Variants in NICOL1 observed in about 807,000 individuals in gnomAD.
NICOL1 encodes NELL2-interacting cell ontogeny regulator 1.
the NICOL1 span, among the ~76,000 whole-genome samples, chr4:2,043,394 A>C: frequency 6.6e-6 from 1 of 152,104 alleles, no homozygotes; most frequent in African/African-American, 2.4e-5. Flanking sequence ...GGAGAATTCT[A>C]GGAAGGAGAA....
At chr4:2,040,244 T>C in the NICOL1 span, among the ~76,000 whole-genome samples, 24 of 152,274 alleles carry the variant, frequency 1.6e-4, no homozygotes, top group African/African-American at 4.6e-4. Flanking sequence ...GTAGCTGGGA[T>C]TACAGGCGCG....
At chr4:2,038,281 A>ATG in the NICOL1 span, among the ~76,000 whole-genome samples, 3 of 135,170 alleles carry the variant, frequency 2.2e-5, no homozygotes, top group Non-Finnish European at 3.2e-5. Flanking sequence ...ATATATATAT[A>ATG]TATAAAATTA....
At chr4:2,043,857 G>A in the NICOL1 span, 4 of 1,549,226 alleles carry the variant, frequency 2.6e-6, no homozygotes, top group Non-Finnish European at 3.5e-6. Context: ...TTGTTGCTTT[G>A]CAGACGGAGA....
chr4:2,036,577 T>A, the NICOL1 span, among the ~76,000 whole-genome samples: 1 of 152,176 alleles, frequency 6.6e-6, no homozygotes, highest in African/African-American at 2.4e-5. Flanking sequence ...GGTTCAGTGT[T>A]GACGGAAGCT....
the NICOL1 span, among the ~76,000 whole-genome samples, chr4:2,037,438 A>C: frequency 1.3e-5 from 2 of 152,230 alleles, no homozygotes; most frequent in African/African-American, 2.4e-5. Flanking sequence ...AATCACAGTA[A>C]AATTAGAAAG....
chr4:2,039,661 C>T, the NICOL1 span, among the ~76,000 whole-genome samples: 1 of 151,818 alleles, frequency 6.6e-6, no homozygotes, highest in African/African-American at 2.4e-5. Flanking sequence ...ATGGCAAACC[C>T]TGTCTCTACC....
chr4:2,043,634 C>T, the NICOL1 span, among the ~76,000 whole-genome samples: 144 of 152,256 alleles, frequency 9.5e-4, no homozygotes, highest in African/African-American at 3.3e-3. Context: ...CAGGTGGGCA[C>T]GCTGGCATGG....
At chr4:2,036,904 C>T in the NICOL1 span, among the ~76,000 whole-genome samples, 1 of 151,988 alleles carries the variant, frequency 6.6e-6, no homozygotes, top group Non-Finnish European at 1.5e-5. Flanking sequence ...GTGTCCTCCA[C>T]AGGGGAGGCA....
chr4:2,042,547 C>T, the NICOL1 span: 1 of 455,962 alleles, frequency 2.2e-6, no homozygotes, highest in Admixed American at 4.4e-5. Context: ...CGTGCGGGGC[C>T]GGGGCTCTGC....
the NICOL1 span, among the ~76,000 whole-genome samples, chr4:2,040,319 C>T: frequency 6.6e-6 from 1 of 152,360 alleles, no homozygotes; most frequent in African/African-American, 2.4e-5. Context: ...GTTGGCCAGG[C>T]TGGTCTTGAA....
chr4:2,042,164 G>A, the NICOL1 span: 1 of 1,454,742 alleles, frequency 6.9e-7, no homozygotes, highest in South Asian at 1.4e-5. Flanking sequence ...GACTGGAGTC[G>A]GGGAACCGGA....
chr4:2,039,617 T>C, the NICOL1 span, among the ~76,000 whole-genome samples: 73 of 152,150 alleles, frequency 4.8e-4, no homozygotes, highest in African/African-American at 1.7e-3. Flanking sequence ...GGTGGATCAC[T>C]TGGGGTCAGG....
At chr4:2,042,619 G>C in the NICOL1 span, 2 of 563,320 alleles carry the variant, frequency 3.6e-6, no homozygotes, top group Non-Finnish European at 5.9e-6. Context: ...GGGAGATGGT[G>C]GCTTGGGGAG....
At chr4:2,037,410 A>T in the NICOL1 span, among the ~76,000 whole-genome samples, 2 of 152,186 alleles carry the variant, frequency 1.3e-5, no homozygotes, top group Admixed American at 1.3e-4. Flanking sequence ...CTTCTAAATA[A>T]CTTCTTAATC....
the NICOL1 span, chr4:2,042,816 G>A: frequency 2.0e-6 from 3 of 1,494,256 alleles, no homozygotes; most frequent in East Asian, 2.7e-5. Flanking sequence ...CTGCAGCCTG[G>A]ACGCGCGGGT....
the NICOL1 span, chr4:2,041,859 G>A: frequency 3.2e-6 from 3 of 934,486 alleles, no homozygotes; most frequent in Non-Finnish European, 4.4e-6. Context: ...GCTCCCGGGG[G>A]CAGCCCCCGG....
the NICOL1 span, chr4:2,043,856 T>C: frequency 1.3e-6 from 2 of 1,549,070 alleles, no homozygotes; most frequent in African/African-American, 2.7e-5. Flanking sequence ...CTTGTTGCTT[T>C]GCAGACGGAG....
At chr4:2,043,964 A>T in the NICOL1 span, 176 of 1,505,118 alleles carry the variant, frequency 1.2e-4, no homozygotes, top group Middle Eastern at 8.4e-4. Context: ...GCCCAGTGGC[A>T]CGCCTGTGTC....
chr4:2,041,157 G>A, the NICOL1 span, among the ~76,000 whole-genome samples: 3 of 148,586 alleles, frequency 2.0e-5, no homozygotes, highest in Non-Finnish European at 4.5e-5. Context: ...GGGTGGGGGG[G>A]GAGCGGGGGC....
Sources: gnomAD v4.1 joint callset for allele counts (sites outside exome capture counted in the v4.1 genomes callset) on GRCh38, gnomAD v4.1.1 for gene constraint, MANE v1.5 for transcripts, NCBI Gene and HGNC (gene_info 2026-07-23, HGNC 2026-07-21) for gene names.